The following ROBO1 variants were observed in gnomAD, a reference collection of about 807,000 sequenced individuals.
ROBO1 encodes roundabout guidance receptor 1, also known as roundabout homolog 1.
A neutral mutation model predicts 195.9 loss-of-function variants in ROBO1; 149 were observed. That is an observed-to-expected ratio of 0.76 (90% confidence interval 0.67 to 0.87). The LOEUF is 0.87. ROBO1 is among the 40% of genes least tolerant of loss of function. The probability of loss-of-function intolerance (pLI) is 0.00; values close to 1 mark genes in which losing one functional copy is unlikely to be tolerated. For synonymous variants in ROBO1, 816 were observed against 733.2 expected (o/e 1.11, Z -1.82); for missense variants, 1,933 against 2,068.3 (o/e 0.93, Z 1.27).
At chr3:78,739,142 CTCT>C (rs756602593) in intron 5 of ROBO1, among the ~76,000 whole-genome samples, 41 of 152,122 alleles carry the variant, frequency 2.7e-4, no homozygotes, top group Non-Finnish European at 4.3e-4. Flanking sequence ...GTCTTTTAAG[CTCT>C]TCTTCTTAAT....
chr3:79,070,918 TTA>T (rs2079077724), intron 3 of ROBO1, among the ~76,000 whole-genome samples: 1 of 151,822 alleles, frequency 6.6e-6, no homozygotes, highest in Non-Finnish European at 1.5e-5. Context: ...AAATTTTTTA[TTA>T]GTTATTTTTT....
intron 2 of ROBO1, among the ~76,000 whole-genome samples, chr3:79,442,803 A>C (rs991580261): frequency 1.7e-4 from 26 of 152,174 alleles, no homozygotes; most frequent in African/African-American, 6.0e-4. Flanking sequence ...TCTTGCTTAG[A>C]ATTCTTTCCT....
rs765000690 is a variant in ROBO1 at position 78,938,819 on chromosome 3, C to T, written c.281G>A (p.Arg94His). Reference protein sequence around the residue: ...PATLNCKAEGRPTPTIEWYKG... With the variant: ...PATLNCKAEGHPTPTIEWYKG... Reference sequence around the variant, plus strand: ...GTACCATTCAATAGTGGGTGTGGGGCGGCCTTCAGCTTTGCAGTTCAAAGT... The same window carrying T: ...GTACCATTCAATAGTGGGTGTGGGGTGGCCTTCAGCTTTGCAGTTCAAAGT... The change falls in exon 4 of 31, where the codon CGC becomes CAC. Residue 94 changes from arginine (R) to histidine (H), a missense_variant. Arg to His is a conservative substitution (Grantham distance 29, BLOSUM62 0). Coordinates refer to ENST00000464233, the MANE Select transcript of ROBO1 (RefSeq NM_002941.4). The T allele has an allele frequency of 4.3e-6, 7 of 1,613,976 alleles. No individual in the cohort carries two copies. Among genetic ancestry groups the T allele is most frequent in the East Asian group, 2.2e-5 (1 of 44,878 alleles).
At chr3:79,479,511 A>G (rs1261276820) in intron 2 of ROBO1, among the ~76,000 whole-genome samples, 1 of 152,164 alleles carries the variant, frequency 6.6e-6, no homozygotes, top group Non-Finnish European at 1.5e-5. Context: ...CCACAGCCCA[A>G]GGGTTGGAGA....
chr3:79,227,833 T>A (rs2082254480), intron 2 of ROBO1, among the ~76,000 whole-genome samples: 1 of 152,204 alleles, frequency 6.6e-6, no homozygotes, highest in Admixed American at 6.5e-5. Flanking sequence ...TATTTATTTA[T>A]ATACCTTAGC....
In ROBO1 at chr3:79,461,732, C is replaced by A. The variant is rs79990673; in HGVS notation, c.88+128092G>T. ...AATAAGTAACCAGAAAACAGAGGAT[C>A]TTAGAACTAAGATGCCATGCAACAA... On this transcript the variant is annotated intron_variant, in intron 2 of 30. Coordinates refer to ENST00000464233, the MANE Select transcript of ROBO1 (RefSeq NM_002941.4). Among the ~76,000 whole-genome samples, 640 of 152,254 alleles carry A rather than the reference C, an allele frequency of 4.2e-3. 32 individuals carry two copies. In the East Asian group the frequency reaches 0.11, roughly 25 times the overall value.
At chr3:79,580,820 T>A (rs1943637439) in intron 2 of ROBO1, among the ~76,000 whole-genome samples, 1 of 152,172 alleles carries the variant, frequency 6.6e-6, no homozygotes, top group Non-Finnish European at 1.5e-5. Flanking sequence ...CAATACGTTT[T>A]TATATTTTCA....
intron 1 of ROBO1, among the ~76,000 whole-genome samples, chr3:79,667,609 T>C (rs553619287): frequency 1.0e-3 from 152 of 151,746 alleles, no homozygotes; most frequent in Non-Finnish European, 1.8e-3. Flanking sequence ...TGAAACCAGA[T>C]AAATGTGTGT....
At chr3:78,960,785 C>CACACAAAA (rs1253128286) in intron 3 of ROBO1, among the ~76,000 whole-genome samples, 1,086 of 40,340 alleles carry the variant, frequency 0.027, 15 homozygotes, top group African/African-American at 0.057. Flanking sequence ...TTAAAACACA[C>CACACAAAA]ACACACACAC....
At chr3:79,504,794 C>T (rs1220849699) in intron 2 of ROBO1, among the ~76,000 whole-genome samples, 1 of 151,978 alleles carries the variant, frequency 6.6e-6, no homozygotes, top group Non-Finnish European at 1.5e-5. Flanking sequence ...ACAATTTTAC[C>T]AGTAATACAT....
At chr3:78,634,731 T>C (rs564824454) in intron 23 of ROBO1, among the ~76,000 whole-genome samples, 1 of 152,348 alleles carries the variant, frequency 6.6e-6, no homozygotes, top group Admixed American at 6.5e-5. Flanking sequence ...TATGAACTTA[T>C]GCAGGAGTCT....
chr3:78,799,458 C>T (rs1043414795), intron 4 of ROBO1, among the ~76,000 whole-genome samples: 6 of 152,152 alleles, frequency 3.9e-5, no homozygotes, highest in African/African-American at 1.4e-4. Flanking sequence ...TCTCCTGCCT[C>T]AGCCTCCTGA....
chr3:79,290,073 C>G (rs961428682), intron 2 of ROBO1, among the ~76,000 whole-genome samples: 1 of 152,106 alleles, frequency 6.6e-6, no homozygotes, highest in South Asian at 2.1e-4. Context: ...GAGTCTCACT[C>G]TGCCACCCAG....
At chr3:79,420,499 C>T (rs1027326888) in intron 2 of ROBO1, among the ~76,000 whole-genome samples, 2 of 152,046 alleles carry the variant, frequency 1.3e-5, no homozygotes, top group Non-Finnish European at 2.9e-5. Context: ...ATAGCATATC[C>T]TGGTGAAAGG....
At chr3:78,719,159 A>T (rs1475283160) in intron 5 of ROBO1, among the ~76,000 whole-genome samples, 1 of 152,166 alleles carries the variant, frequency 6.6e-6, no homozygotes, top group Non-Finnish European at 1.5e-5. Context: ...AGCCTGCTCC[A>T]GATTCCCATC....
intron 26 of ROBO1, among the ~76,000 whole-genome samples, chr3:78,625,066 C>T (rs1392865123): frequency 6.6e-6 from 1 of 152,132 alleles, no homozygotes; most frequent in Non-Finnish European, 1.5e-5. Flanking sequence ...AATGGGGGAA[C>T]ATTACCAGAC....
intron 3 of ROBO1, among the ~76,000 whole-genome samples, chr3:79,038,226 C>A (rs1160000398): frequency 6.6e-6 from 1 of 152,128 alleles, no homozygotes; most frequent in East Asian, 1.9e-4. Context: ...GAAACAAGAA[C>A]ACATTTGGCA....
At chr3:78,744,075 T>C (rs1231177040) in intron 5 of ROBO1, among the ~76,000 whole-genome samples, 2 of 152,154 alleles carry the variant, frequency 1.3e-5, no homozygotes, top group Non-Finnish European at 2.9e-5. Flanking sequence ...CCAATAAGCA[T>C]TTCAAAATTA....
chr3:79,481,654 G>A (rs1271853147), intron 2 of ROBO1, among the ~76,000 whole-genome samples: 8 of 152,020 alleles, frequency 5.3e-5, no homozygotes, highest in East Asian at 1.9e-4. Context: ...TAAAATTTTC[G>A]AACCATTTTT....
Sources: allele counts gnomAD v4.1 joint callset (sites outside exome capture counted in the v4.1 genomes callset), GRCh38; gene constraint gnomAD v4.1.1; transcripts MANE v1.5; gene names NCBI Gene and HGNC (gene_info 2026-07-23, HGNC 2026-07-21).